Variants in CFTR observed in about 807,000 individuals in gnomAD.
The protein encoded by CFTR is CF transmembrane conductance regulator.
In CFTR, 181 loss-of-function variants were observed where a neutral mutation model predicts 171.6. The ratio of observed to expected loss-of-function variants is 1.05; its 90% confidence interval spans 0.93 to 1.19. CFTR has a LOEUF of 1.19. CFTR is among the 50% of genes most tolerant of loss of function. The pLI is 0.00. For missense variants in CFTR, 1,968 were observed against 1,734.7 expected, an observed-to-expected ratio of 1.13 and a Z score of -2.39; for synonymous variants, 583 against 608.0, an observed-to-expected ratio of 0.96 and a Z score of 0.60.
At chr7:117,579,141 C>G (rs1366813029) in intron 11 of CFTR, among the ~76,000 whole-genome samples, 2 of 151,752 alleles carry the variant, frequency 1.3e-5, no homozygotes, top group Non-Finnish European at 2.9e-5. Context: ...AATATTTAGA[C>G]ATAAATCTAC....
chr7:117,486,794 A>C (rs867444928), intron 1 of CFTR, among the ~76,000 whole-genome samples: 4 of 149,484 alleles, frequency 2.7e-5, no homozygotes, highest in Admixed American at 6.7e-5. Context: ...TAAACAGGAG[A>C]GGGACATAAT....
At position 117,548,044 on chromosome 7, in the gene CFTR, G is replaced by A. The variant is rs1016100481; in HGVS notation, c.1210-597G>A. 5.3e-5 allele frequency among the ~76,000 whole-genome samples: 8 copies of A among 152,230 alleles called. No homozygotes were observed. In the East Asian group the frequency reaches 7.7e-4, roughly 15 times the overall value. ...ATTTTTAAAAGGGAATTACTTCTTC[G>A]TAGCTACTTTTGTGAAATGAATTCA... On this transcript the variant is annotated intron_variant, in intron 9 of 26. Coordinates refer to ENST00000003084, the MANE Select transcript of CFTR (RefSeq NM_000492.4).
Position 117,591,944 on chromosome 7 carries a change from A to G in CFTR, c.1777A>G (p.Lys593Glu). Residue 593 changes from lysine (K) to glutamate (E), a missense_variant, in exon 14 of 27, where the codon AAA becomes GAA. Lys to Glu is a moderately conservative substitution (Grantham distance 56). Coordinates refer to ENST00000003084, the MANE Select transcript of CFTR (RefSeq NM_000492.4). ...EKEIFESCVC[K>E]LMANKTRILV... ...TTTTATATCTTAAAGCTGTGTCTGT[A>G]AACTGATGGCTAACAAAACTAGGAT... 6.3e-7 allele frequency: 1 copy of G among 1,580,520 alleles called. No individual in the cohort carries two copies. The highest frequency in any genetic ancestry group is 8.6e-7 in the Non-Finnish European group (1 of 1,162,210).
At chr7:117,654,452 G>A (rs759502539) in intron 24 of CFTR, among the ~76,000 whole-genome samples, 4 of 152,066 alleles carry the variant, frequency 2.6e-5, no homozygotes, top group Admixed American at 6.6e-5. Flanking sequence ...TGGTTTGGGT[G>A]TGTCCCCACC....
chr7:117,546,419 G>A (rs1799148685), intron 9 of CFTR, among the ~76,000 whole-genome samples: 2 of 152,094 alleles, frequency 1.3e-5, no homozygotes, highest in Non-Finnish European at 2.9e-5. Flanking sequence ...ACAGGCATGA[G>A]TCATTGCAGC....
chr7:117,659,693 T>C (rs1359615630), intron 24 of CFTR, among the ~76,000 whole-genome samples: 1 of 152,200 alleles, frequency 6.6e-6, no homozygotes, highest in Non-Finnish European at 1.5e-5. Flanking sequence ...TGGGTAATTG[T>C]TTGCTTTTTC....
chr7:117,509,125 A>G lies in CFTR; in HGVS notation c.256A>G (p.Ile86Val), dbSNP rs749432776. 3.8e-6 allele frequency: 6 copies of G among 1,578,918 alleles called. No homozygotes were observed. The Admixed American group carries it at 1.0e-4, about 26-fold the overall frequency. The stretch of plus-strand genomic sequence containing the variant: ...TTTCTGGAGATTTATGTTCTATGGA[A>G]TCTTTTTATATTTAGGGGTAAGGAT... ...CFFWRFMFYG[I>V]FLYLGEVTKA... is the part of the protein sequence containing the mutation. The change falls in exon 3 of 27, where the codon ATC (isoleucine) becomes GTC (valine). Residue 86 changes from isoleucine to valine, a missense_variant. Physicochemically the swap from Ile to Val is conservative, Grantham distance 29. Coordinates refer to ENST00000003084, the MANE Select transcript of CFTR (RefSeq NM_000492.4).
intron 7 of CFTR, among the ~76,000 whole-genome samples, chr7:117,539,535 T>C (rs1311700120): frequency 6.6e-6 from 1 of 152,108 alleles, no homozygotes; most frequent in African/African-American, 2.4e-5. Context: ...AGGTGATTTT[T>C]ACACATGCTA....
At chr7:117,589,259 G>A (rs1180100529) in intron 12 of CFTR, among the ~76,000 whole-genome samples, 1 of 151,964 alleles carries the variant, frequency 6.6e-6, no homozygotes, top group South Asian at 2.1e-4. Flanking sequence ...ATTTTGATGG[G>A]ATCCATTATG....
intron 10 of CFTR, among the ~76,000 whole-genome samples, chr7:117,558,508 C>T (rs559645835): frequency 1.3e-5 from 2 of 151,646 alleles, no homozygotes; most frequent in East Asian, 3.9e-4. Flanking sequence ...GAGCCGAGAT[C>T]GCGCCACTGC....
At position 117,663,622 on chromosome 7, in the gene CFTR, T is replaced by C. The variant is rs181157398; in HGVS notation, c.3964-1066T>C. On this transcript the variant is annotated intron_variant, in intron 24 of 26. Transcript: ENST00000003084. ...GTGTGATGGGCACACAGTTAATTTT[T>C]TGTGAACAAACACAGTGTTATGGGC... Among the ~76,000 whole-genome samples, 5 of 152,284 alleles carry C rather than the reference T, an allele frequency of 3.3e-5. No homozygotes were observed. The East Asian group carries it at 9.7e-4, about 29-fold the overall frequency.
chr7:117,616,555 A>ATGTCAAAACCTCTG (rs1219325125), intron 21 of CFTR, among the ~76,000 whole-genome samples: 2 of 152,070 alleles, frequency 1.3e-5, no homozygotes, highest in African/African-American at 4.8e-5. Context: ...CTACACATTG[A>ATGTCAAAACCTCTG]TGTCAAAACC....
chr7:117,537,741 A>G (rs7811369), intron 7 of CFTR, among the ~76,000 whole-genome samples: 86 of 152,360 alleles, frequency 5.6e-4, no homozygotes, highest in African/African-American at 2.0e-3. Context: ...ATGCCTTTCA[A>G]GATAAATCCA....
At chr7:117,553,441 C>A (rs566621895) in intron 10 of CFTR, among the ~76,000 whole-genome samples, 2 of 152,238 alleles carry the variant, frequency 1.3e-5, no homozygotes, top group East Asian at 3.9e-4. Context: ...TATAAGTGGT[C>A]AAGCATTTGT....
intron 7 of CFTR, among the ~76,000 whole-genome samples, chr7:117,538,095 G>A (rs552666220): frequency 6.6e-6 from 1 of 152,242 alleles, no homozygotes; most frequent in South Asian, 2.1e-4. Flanking sequence ...GCGAATGTTT[G>A]GTTGTAACCT....
chr7:117,659,217 A>T (rs1270745554), intron 24 of CFTR, among the ~76,000 whole-genome samples: 1 of 151,866 alleles, frequency 6.6e-6, no homozygotes, highest in Non-Finnish European at 1.5e-5. Flanking sequence ...CTTCTTTCCA[A>T]AAATCTGCCT....
At chr7:117,519,856 G>T (rs1798659266) in intron 3 of CFTR, among the ~76,000 whole-genome samples, 1 of 151,658 alleles carries the variant, frequency 6.6e-6, no homozygotes, top group African/African-American at 2.4e-5. Context: ...TACTATAAAA[G>T]GTCCTTCAGT....
chr7:117,542,049 G>T lies in CFTR; in HGVS notation c.1150G>T (p.Glu384Ter), dbSNP rs1799061745. Residue 384 changes from glutamate to a stop codon, truncating the protein, a stop_gained, in exon 9 of 27, where the codon GAA becomes TAA. Coordinates refer to ENST00000003084, the MANE Select transcript of CFTR (RefSeq NM_000492.4). LOFTEE classifies it high-confidence loss of function. ...FLQKQEYKTL[E>*]YNLTTTEVVM... ...ACAAAAGCAAGAATATAAGACATTG[G>T]AATATAACTTAACGACTACAGAAGT... 1 of 1,593,730 alleles carries T rather than the reference G, an allele frequency of 6.3e-7. No individual in the cohort carries two copies. Among genetic ancestry groups the T allele is most frequent in the Non-Finnish European group, 8.6e-7 (1 of 1,161,876 alleles).
At chr7:117,562,382 T>C (rs1461325094) in intron 11 of CFTR, among the ~76,000 whole-genome samples, 1 of 152,016 alleles carries the variant, frequency 6.6e-6, no homozygotes, top group Non-Finnish European at 1.5e-5. Context: ...GTTGACAAAG[T>C]GGTATAAAAG....
Sources: allele counts gnomAD v4.1 joint callset (sites outside exome capture counted in the v4.1 genomes callset), GRCh38; gene constraint gnomAD v4.1.1; transcripts MANE v1.5; gene names NCBI Gene and HGNC (gene_info 2026-07-23, HGNC 2026-07-21).